Variants in ATP13A5 observed in about 807,000 individuals in gnomAD.
ATP13A5 encodes the protein ATPase 13A5.
A neutral mutation model predicts 150.2 loss-of-function variants in ATP13A5; 149 were observed. The observed-to-expected ratio is 0.99, with a 90% CI of 0.87 to 1.14. ATP13A5 has a LOEUF of 1.14. ATP13A5 is among the 50% of genes most tolerant of loss of function. The pLI is 0.00. For missense variants in ATP13A5, 1,383 were observed against 1,449.3 expected, an observed-to-expected ratio of 0.95 and a Z score of 0.74; for synonymous variants, 497 against 522.2, an observed-to-expected ratio of 0.95 and a Z score of 0.66.
intron 9 of ATP13A5, among the ~76,000 whole-genome samples, chr3:193,342,086 C>T (rs1712151301): frequency 6.6e-6 from 1 of 152,100 alleles, no homozygotes; most frequent in South Asian, 2.1e-4. Flanking sequence ...ATTTGTAAAT[C>T]GGTATTCTAA....
At chr3:193,288,759 A>G (rs915890937) in intron 26 of ATP13A5, among the ~76,000 whole-genome samples, 1 of 152,150 alleles carries the variant, frequency 6.6e-6, no homozygotes, top group Non-Finnish European at 1.5e-5. Flanking sequence ...AAAGAGGAAC[A>G]GACAGACTAG....
At chr3:193,306,131 C>A (rs573895771) in intron 22 of ATP13A5, among the ~76,000 whole-genome samples, 15 of 151,332 alleles carry the variant, frequency 9.9e-5, no homozygotes, top group Non-Finnish European at 2.2e-4. Context: ...ATAAAATGAA[C>A]TTTTATATAT....
At chr3:193,341,638 T>C (rs1456878095) in intron 9 of ATP13A5, among the ~76,000 whole-genome samples, 1 of 152,084 alleles carries the variant, frequency 6.6e-6, no homozygotes, top group African/African-American at 2.4e-5. Context: ...CAGACCCCTC[T>C]CCCTGATGTC....
intron 17 of ATP13A5, 24 bp from the exon 18 acceptor site, chr3:193,315,120 T>C (rs1290677996): frequency 6.2e-7 from 1 of 1,609,694 alleles, no homozygotes; most frequent in Admixed American, 1.7e-5. Context: ...AGAAAATCAA[T>C]ATTAAAGTAT....
intron 17 of ATP13A5, among the ~76,000 whole-genome samples, chr3:193,317,317 G>A (rs899152416): frequency 2.6e-5 from 4 of 152,024 alleles, no homozygotes; most frequent in African/African-American, 9.7e-5. Flanking sequence ...TCCCCCTCAG[G>A]TCATTTAAGA....
At chr3:193,319,554 G>A (rs115171574) in intron 16 of ATP13A5, among the ~76,000 whole-genome samples, 2,124 of 152,308 alleles carry the variant, frequency 0.014, 25 homozygotes, top group Non-Finnish European at 0.019. Flanking sequence ...GAACCACGTT[G>A]GGCAACACCT....
chr3:193,305,056 G>C (rs147399739), intron 23 of ATP13A5, among the ~76,000 whole-genome samples: 62 of 152,270 alleles, frequency 4.1e-4, no homozygotes, highest in African/African-American at 1.3e-3. Context: ...GATGAGATTT[G>C]GGTGGGAACA....
chr3:193,376,830 C>G (rs1315372599), intron 1 of ATP13A5, among the ~76,000 whole-genome samples: 1 of 152,192 alleles, frequency 6.6e-6, no homozygotes, highest in East Asian at 1.9e-4. Flanking sequence ...GTCACCCCAG[C>G]TCCCTCAGGC....
chr3:193,326,956 T>C, intron 13 of ATP13A5, 40 bp downstream of exon 13: 1 of 1,578,520 alleles, frequency 6.3e-7, no homozygotes, highest in Non-Finnish European at 8.7e-7. Context: ...TCCAGGTAAC[T>C]CCACCAAACA....
chr3:193,369,784 T>C (rs545094273), intron 1 of ATP13A5, among the ~76,000 whole-genome samples: 1 of 152,276 alleles, frequency 6.6e-6, no homozygotes, highest in South Asian at 2.1e-4. Context: ...ATTTAACTTC[T>C]CTAATCTCAG....
chr3:193,281,447 G>GAGGAA (rs1260564954), intron 27 of ATP13A5, among the ~76,000 whole-genome samples: 1 of 152,206 alleles, frequency 6.6e-6, no homozygotes, highest in African/African-American at 2.4e-5. Flanking sequence ...GTTAGTTGCT[G>GAGGAA]CTGCTGAGGA....
chr3:193,317,449 G>A (rs1202275031), intron 17 of ATP13A5, among the ~76,000 whole-genome samples: 1 of 152,130 alleles, frequency 6.6e-6, no homozygotes, highest in South Asian at 2.1e-4. Flanking sequence ...TTCCTTGAGC[G>A]TCTGACATAC....
chr3:193,345,975 C>T (rs897890535), intron 7 of ATP13A5, among the ~76,000 whole-genome samples: 2 of 152,030 alleles, frequency 1.3e-5, no homozygotes. Context: ...GCATGTGGGA[C>T]AGCCATCCTC....
chr3:193,284,452 G>T (rs1443890761), intron 27 of ATP13A5, among the ~76,000 whole-genome samples: 1 of 152,088 alleles, frequency 6.6e-6, no homozygotes, highest in East Asian at 1.9e-4. Flanking sequence ...TACATAAATT[G>T]TGCTAGGCCC....
chr3:193,295,583 G>A (rs933210476), intron 25 of ATP13A5, among the ~76,000 whole-genome samples: 2 of 152,148 alleles, frequency 1.3e-5, no homozygotes, highest in Admixed American at 1.3e-4. Flanking sequence ...GAACCTACGT[G>A]GCTAATATAC....
intron 27 of ATP13A5, among the ~76,000 whole-genome samples, chr3:193,280,318 CTA>C (rs779173812): frequency 1.3e-5 from 2 of 152,168 alleles, no homozygotes; most frequent in Non-Finnish European, 2.9e-5. Context: ...TCCCAAAGTG[CTA>C]TGATTACAGG....
intron 8 of ATP13A5, 38 bp downstream of exon 8, chr3:193,344,965 A>G (rs1324412936): frequency 4.5e-6 from 7 of 1,552,032 alleles, no homozygotes; most frequent in Non-Finnish European, 6.2e-6. Context: ...CCCCCCTGAA[A>G]TATTAAGATG....
chr3:193,333,627 T>C, intron 11 of ATP13A5, 123 bp downstream of exon 11: 1 of 989,008 alleles, frequency 1.0e-6, no homozygotes, highest in Non-Finnish European at 1.5e-6. Context: ...TCTAAGAAGC[T>C]CTTTTGGACA....
intron 26 of ATP13A5, among the ~76,000 whole-genome samples, chr3:193,286,139 A>T (rs1252166765): frequency 6.6e-6 from 1 of 152,158 alleles, no homozygotes; most frequent in Non-Finnish European, 1.5e-5. Flanking sequence ...TTTTTTTTCA[A>T]TAATTAAACC....
Sources: allele counts gnomAD v4.1 joint callset (sites outside exome capture counted in the v4.1 genomes callset), GRCh38; gene constraint gnomAD v4.1.1; transcripts MANE v1.5; gene names NCBI Gene and HGNC (gene_info 2026-07-23, HGNC 2026-07-21).